The following RGS6 variants were observed in gnomAD, a reference collection of about 807,000 sequenced individuals.
The protein encoded by RGS6 is regulator of G protein signaling 6, also known as regulator of G-protein signaling 6.
RGS6 carries 30 observed loss-of-function variants against 78.5 expected under a neutral mutation model. That is an observed-to-expected ratio of 0.38 (90% CI 0.29 to 0.52). The LOEUF (loss-of-function observed/expected upper bound fraction) is 0.52. Among genes scored for constraint, RGS6 ranks in the 20% least tolerant of loss-of-function variants. RGS6 has a pLI of 0.85. For synonymous variants in RGS6, 206 were observed against 206.0 expected (o/e 1.00, Z 0.00); for missense variants, 495 against 609.7 (o/e 0.81, Z 1.98).
intron 2 of RGS6, among the ~76,000 whole-genome samples, chr14:72,163,882 C>CAA (rs35453428): frequency 1.3e-3 from 166 of 124,642 alleles, no homozygotes; most frequent in South Asian, 2.1e-3. Flanking sequence ...GACTCCATCT[C>CAA]AAAAAAAAAA....
chr14:72,519,002 T>G (rs2096992303), intron 15 of RGS6, among the ~76,000 whole-genome samples: 1 of 152,216 alleles, frequency 6.6e-6, no homozygotes, highest in African/African-American at 2.4e-5. Context: ...CACATCTATA[T>G]TCCAGGCTCT....
intron 13 of RGS6, among the ~76,000 whole-genome samples, chr14:72,506,299 A>G (rs2096798499): frequency 6.6e-6 from 1 of 152,244 alleles, no homozygotes; most frequent in Admixed American, 6.5e-5. Context: ...AAACTCTACT[A>G]GAGAATATGT....
chr14:71,904,496 G>A, the RGS6 span, among the ~76,000 whole-genome samples: 4 of 152,346 alleles, frequency 2.6e-5, no homozygotes, highest in African/African-American at 4.8e-5. Flanking sequence ...GGGAGAGCCT[G>A]TGGAAAAAGA....
chr14:72,055,824 C>T (rs969103943), intron 2 of RGS6, among the ~76,000 whole-genome samples: 2 of 152,146 alleles, frequency 1.3e-5, no homozygotes, highest in Non-Finnish European at 1.5e-5. Context: ...TTTGGAGAAT[C>T]CTCTTGCCTC....
chr14:72,529,036 G>C (rs2097151032), intron 15 of RGS6, among the ~76,000 whole-genome samples: 1 of 152,176 alleles, frequency 6.6e-6, no homozygotes, highest in Non-Finnish European at 1.5e-5. Flanking sequence ...TCAGTTTTCT[G>C]TTCACCCACC....
chr14:72,511,813 C>G (rs2096881413), intron 14 of RGS6: 1 of 152,240 alleles, frequency 6.6e-6, no homozygotes, highest in Non-Finnish European at 1.5e-5. Flanking sequence ...ATAAACCAGA[C>G]AAGGTTGAGT....
chr14:72,393,322 G>C (rs1265085936), intron 3 of RGS6, among the ~76,000 whole-genome samples: 1 of 152,182 alleles, frequency 6.6e-6, no homozygotes, highest in African/African-American at 2.4e-5. Context: ...CCTTAACCTT[G>C]ACTGTAACCT....
At chr14:72,352,489 A>G (rs1378666609) in intron 3 of RGS6, among the ~76,000 whole-genome samples, 1 of 152,214 alleles carries the variant, frequency 6.6e-6, no homozygotes, top group African/African-American at 2.4e-5. Flanking sequence ...TGTGGGATAC[A>G]CACAAGCACA....
intron 2 of RGS6, among the ~76,000 whole-genome samples, chr14:72,001,174 G>A (rs1022753577): frequency 6.6e-6 from 1 of 152,096 alleles, no homozygotes; most frequent in Non-Finnish European, 1.5e-5. Context: ...TCGCAGTCGC[G>A]GTGGCCCTGC....
intron 2 of RGS6, among the ~76,000 whole-genome samples, chr14:72,141,623 C>G (rs757909087): frequency 8.5e-5 from 13 of 152,292 alleles, no homozygotes; most frequent in East Asian, 5.8e-4. Flanking sequence ...AGGAAGGACA[C>G]AAGGCCATCC....
chr14:72,398,726 T>C (rs983732003), intron 3 of RGS6, among the ~76,000 whole-genome samples: 5 of 152,222 alleles, frequency 3.3e-5, no homozygotes, highest in Non-Finnish European at 5.9e-5. Flanking sequence ...GCTTTGAATG[T>C]GTCCCAGAGA....
chr14:72,598,456 T>G, the RGS6 span, among the ~76,000 whole-genome samples: 3 of 152,224 alleles, frequency 2.0e-5, 1 homozygote, highest in African/African-American at 7.2e-5. Flanking sequence ...GCCTGAATGA[T>G]GCAGGGAGAG....
chr14:71,929,899 C>G (rs149431203), upstream of RGS6, among the ~76,000 whole-genome samples: 47 of 152,266 alleles, frequency 3.1e-4, no homozygotes, highest in East Asian at 5.4e-3. Flanking sequence ...CAACAGGAAC[C>G]CCTTCAAGCT....
intron 2 of RGS6, among the ~76,000 whole-genome samples, chr14:72,270,092 T>A (rs531476795): frequency 6.6e-6 from 1 of 152,264 alleles, no homozygotes; most frequent in African/African-American, 2.4e-5. Context: ...TTGGCAGAAA[T>A]TCTAGAGAGG....
Position 72,547,373 on chromosome 14 carries a change from A to ACCCC in RGS6, c.1422+7285_1422+7288dup, listed in dbSNP as rs34941449. On this transcript the variant is annotated intron_variant, in intron 17 of 17. Coordinates refer to ENST00000553525, the MANE Select transcript of RGS6 (RefSeq NM_001204424.2). ...AGGACTTCAAAGGCTAAGAAGTAAG[A>ACCCC]CCCCCCCCCGACCCATGGAAGTCCC... The ACCCC allele has an allele frequency of 1.8e-5, 21 of 1,194,120 alleles. No homozygotes were observed. In the African/African-American group the frequency reaches 2.1e-4, roughly 12 times the overall value. 74.0% of individuals were successfully genotyped at this position (1,194,120 alleles called of 1,614,324 possible).
chr14:72,459,024 G>A (rs2095707261), intron 5 of RGS6, among the ~76,000 whole-genome samples: 1 of 152,186 alleles, frequency 6.6e-6, no homozygotes, highest in African/African-American at 2.4e-5. Context: ...GGAGAAAACT[G>A]AATTGCTCAA....
chr14:72,313,137 G>A (rs957026023), intron 2 of RGS6, among the ~76,000 whole-genome samples: 5 of 152,208 alleles, frequency 3.3e-5, no homozygotes, highest in Non-Finnish European at 5.9e-5. Context: ...AACATCTTCA[G>A]TTGGGGATAG....
chr14:72,112,589 GTTTA>G (rs1345798020), intron 2 of RGS6, among the ~76,000 whole-genome samples: 3 of 152,152 alleles, frequency 2.0e-5, no homozygotes, highest in Admixed American at 1.3e-4. Context: ...AATAAGAATC[GTTTA>G]TTTGTTTCTT....
At chr14:72,592,214 C>T in the RGS6 span, among the ~76,000 whole-genome samples, 1,190 of 152,360 alleles carry the variant, frequency 7.8e-3, 14 homozygotes, top group African/African-American at 0.028. Context: ...AGTGTGTTCT[C>T]TGGCCACAAG....
Sources: gnomAD v4.1 joint callset for allele counts (sites outside exome capture counted in the v4.1 genomes callset) on GRCh38, gnomAD v4.1.1 for gene constraint, MANE v1.5 for transcripts, NCBI Gene and HGNC (gene_info 2026-07-23, HGNC 2026-07-21) for gene names.